Variants in ARK2N observed in about 807,000 individuals in gnomAD.
ARK2N encodes the protein protein ARK2N.
At chr18:46,265,022 CAGAGGCCAGAGCAAA>C in the ARK2N span, 1 of 152,598 alleles carries the variant, frequency 6.6e-6, no homozygotes, top group Admixed American at 6.5e-5. Context: ...ACCAAAGACC[CAGAGGCCAGAGCAAA>C]GTAGGACCTT....
At chr18:46,181,575 G>T in the ARK2N span, among the ~76,000 whole-genome samples, 1 of 152,044 alleles carries the variant, frequency 6.6e-6, no homozygotes, top group Non-Finnish European at 1.5e-5. Flanking sequence ...TTAGCCAGAC[G>T]TGGTGGCGGG....
the ARK2N span, among the ~76,000 whole-genome samples, chr18:46,201,779 CTTT>C: frequency 3.7e-5 from 5 of 135,762 alleles, no homozygotes; most frequent in African/African-American, 8.1e-5. Context: ...CTTTTCTTTT[CTTT>C]TTTTTTTTTT....
chr18:46,208,682 A>T, the ARK2N span, among the ~76,000 whole-genome samples: 1 of 151,690 alleles, frequency 6.6e-6, no homozygotes, highest in Non-Finnish European at 1.5e-5. Flanking sequence ...GTTGGCCAGG[A>T]TGGTCTCGAT....
the ARK2N span, among the ~76,000 whole-genome samples, chr18:46,214,059 G>A: frequency 6.6e-6 from 1 of 152,182 alleles, no homozygotes; most frequent in African/African-American, 2.4e-5. Flanking sequence ...CCATGAATGT[G>A]TTAAGGAAAC....
the ARK2N span, among the ~76,000 whole-genome samples, chr18:46,207,934 A>T: frequency 6.6e-6 from 1 of 152,112 alleles, no homozygotes; most frequent in African/African-American, 2.4e-5. Context: ...TCTTGATGTG[A>T]TCATTAGAAT....
chr18:46,251,091 G>A, the ARK2N span, among the ~76,000 whole-genome samples: 112,279 of 152,184 alleles, frequency 0.74, 41,537 homozygotes, highest in Middle Eastern at 0.78. Flanking sequence ...ATAGCATGTC[G>A]CAAGTATTTA....
At chr18:46,186,815 G>GT in the ARK2N span, among the ~76,000 whole-genome samples, 1 of 144,000 alleles carries the variant, frequency 6.9e-6, no homozygotes, top group African/African-American at 2.6e-5. Context: ...GCCGAATTTT[G>GT]TTTTTTTAAC....
the ARK2N span, among the ~76,000 whole-genome samples, chr18:46,215,413 G>A: frequency 6.6e-6 from 1 of 152,126 alleles, no homozygotes; most frequent in Non-Finnish European, 1.5e-5. Flanking sequence ...GAATGTAAAA[G>A]TAGTCATTCC....
the ARK2N span, chr18:46,253,621 T>C: frequency 4.0e-6 from 6 of 1,501,582 alleles, no homozygotes; most frequent in Non-Finnish European, 5.4e-6. Flanking sequence ...ATGACAAATC[T>C]GTCAATGAGT....
chr18:46,197,018 G>C, the ARK2N span, among the ~76,000 whole-genome samples: 1 of 152,064 alleles, frequency 6.6e-6, no homozygotes, highest in Non-Finnish European at 1.5e-5. Context: ...ACCTCATCTT[G>C]GAAATCATAG....
At chr18:46,232,014 C>G in the ARK2N span, 4 of 152,168 alleles carry the variant, frequency 2.6e-5, no homozygotes, top group African/African-American at 4.8e-5. Context: ...TCTTGGCCCC[C>G]CAGAGTGCTG....
the ARK2N span, chr18:46,264,114 G>A: frequency 6.6e-6 from 1 of 152,378 alleles, no homozygotes; most frequent in African/African-American, 2.4e-5. Flanking sequence ...CTGTATTTGG[G>A]TATTTTTCTC....
the ARK2N span, among the ~76,000 whole-genome samples, chr18:46,262,430 C>G: frequency 6.6e-6 from 1 of 152,212 alleles, no homozygotes; most frequent in Non-Finnish European, 1.5e-5. Flanking sequence ...CTATTACTTA[C>G]AGACTTTTAG....
At chr18:46,207,147 T>C in the ARK2N span, among the ~76,000 whole-genome samples, 1 of 152,174 alleles carries the variant, frequency 6.6e-6, no homozygotes, top group Non-Finnish European at 1.5e-5. Flanking sequence ...TGAGGAACTC[T>C]CCTGTAAGAT....
At chr18:46,262,418 A>G in the ARK2N span, among the ~76,000 whole-genome samples, 1 of 152,192 alleles carries the variant, frequency 6.6e-6, no homozygotes, top group African/African-American at 2.4e-5. Flanking sequence ...TTTATTCATG[A>G]TCTATTACTT....
the ARK2N span, among the ~76,000 whole-genome samples, chr18:46,208,464 CTTTTTTTTTTTTT>C: frequency 1.2e-4 from 8 of 68,364 alleles, no homozygotes; most frequent in Non-Finnish European, 1.7e-4. Flanking sequence ...GTTCTTAAAT[CTTTTTTTTTTTTT>C]TTTTTTTTTT....
At chr18:46,189,737 G>A in the ARK2N span, among the ~76,000 whole-genome samples, 1 of 152,166 alleles carries the variant, frequency 6.6e-6, no homozygotes, top group Non-Finnish European at 1.5e-5. Flanking sequence ...GGTGGCATGT[G>A]CCTGTAGTCC....
the ARK2N span, among the ~76,000 whole-genome samples, chr18:46,180,836 A>G: frequency 3.3e-5 from 5 of 152,230 alleles, no homozygotes; most frequent in Non-Finnish European, 7.3e-5. Context: ...ATTATAAGGG[A>G]AAAAAGTACT....
At chr18:46,198,316 A>C in the ARK2N span, among the ~76,000 whole-genome samples, 1 of 149,182 alleles carries the variant, frequency 6.7e-6, no homozygotes, top group Admixed American at 6.6e-5. Context: ...TCTCCAAAAA[A>C]AAAAAAAAAA....
Sources: gnomAD v4.1 joint callset for allele counts (sites outside exome capture counted in the v4.1 genomes callset) on GRCh38, gnomAD v4.1.1 for gene constraint, MANE v1.5 for transcripts, NCBI Gene and HGNC (gene_info 2026-07-23, HGNC 2026-07-21) for gene names.